ZNF462: variants seen among roughly 807,000 people sequenced by gnomAD.
ZNF462 encodes zinc finger protein 462.
A neutral mutation model predicts 201.9 loss-of-function variants in ZNF462; 10 were observed. The ratio of observed to expected loss-of-function variants is 0.05; its 90% CI spans 0.03 to 0.08. The LOEUF is 0.08. Ranked by LOEUF, ZNF462 falls within the 10% of genes least tolerant of loss-of-function variation. ZNF462 has a pLI of 1.00. For missense variants in ZNF462, 2,523 were observed against 3,168.3 expected, an observed-to-expected ratio of 0.80 and a Z score of 4.89; for synonymous variants, 1,227 against 1,193.3, an observed-to-expected ratio of 1.03 and a Z score of -0.58.
At chr9:106,960,057 T>C (rs1332921949) in intron 7 of ZNF462, among the ~76,000 whole-genome samples, 1 of 152,110 alleles carries the variant, frequency 6.6e-6, no homozygotes, top group African/African-American at 2.4e-5. Context: ...GTTTGTTGGC[T>C]CAGAGACTCC....
rs41277821 is a variant in ZNF462, at chr9:106,927,691, C to T, written c.3779C>T (p.Thr1260Met). 0.014 allele frequency: 21,969 copies of T among 1,614,062 alleles called. 188 individuals are homozygous for T. Among genetic ancestry groups the T allele is most frequent in the Non-Finnish European group, 0.017 (19,830 of 1,180,008 alleles). Reference sequence around the variant, plus strand: ...CCCTCTAATCTGGAGCGGGACAAAACGAAACTCCGAGCACTCAAATGTAGG... The same window carrying T: ...CCCTCTAATCTGGAGCGGGACAAAATGAAACTCCGAGCACTCAAATGTAGG... ...VSPSNLERDKTKLRALKCRQC... is the reference protein window; with the variant it reads ...VSPSNLERDKMKLRALKCRQC... The change falls in exon 3 of 13, where the codon ACG becomes ATG. Residue 1260 changes from threonine to methionine, a missense_variant. Coordinates refer to ENST00000277225, the MANE Select transcript of ZNF462 (RefSeq NM_021224.6).
In ZNF462 at chr9:106,926,989, C is replaced by T. The variant is rs1830220866; in HGVS notation, c.3077C>T (p.Thr1026Ile). Residue 1026 changes from threonine (T) to isoleucine (I), a missense_variant, in exon 3 of 13, where the codon ACT (threonine) becomes ATT (isoleucine). Physicochemically the swap from Thr to Ile is moderately conservative, Grantham distance 89. Transcript: ENST00000277225. This position sits in a 1 kb window ranked among gnomAD's most constrained non-coding sequence, Gnocchi z 7.9. ...AATCAGAAGGACCCTTTGGTCAACA[C>T]TGTTGTTGTTTATGATTGTGATGTT... ...CENQKDPLVN[T>I]VVVYDCDVCS... The T allele has an allele frequency of 6.2e-7, 1 of 1,614,166 alleles. No individual in the cohort carries two copies.
rs1305426297 is a variant in ZNF462, at chr9:106,981,806, T to A, written c.6833-2380T>A. Among the ~76,000 whole-genome samples, 1 of 151,848 alleles carries A rather than the reference T, an allele frequency of 6.6e-6. No homozygotes were observed. Among genetic ancestry groups the A allele is most frequent in the East Asian group, 1.9e-4 (1 of 5,166 alleles). On this transcript the variant is annotated intron_variant, in intron 9 of 12. Transcript: ENST00000277225. This position sits in a 1 kb window ranked among gnomAD's most constrained non-coding sequence, Gnocchi z 4.0. The stretch of plus-strand genomic sequence containing the variant: ...TTGTGGAGAAGTGAAGACTGGAGAG[T>A]CACTGAATGACTATCTTTGAGGCGT...
At chr9:106,922,271 A>G (rs1257976690) in intron 1 of ZNF462, among the ~76,000 whole-genome samples, 1 of 152,208 alleles carries the variant, frequency 6.6e-6, no homozygotes, top group Non-Finnish European at 1.5e-5. Flanking sequence ...ATAACAGGGT[A>G]TCTCAACTTA....
In ZNF462 at chr9:106,923,289, C is replaced by A; in HGVS notation, c.-30-65C>A. On this transcript the variant is annotated intron_variant, in intron 1 of 12. Coordinates refer to ENST00000277225, the MANE Select transcript of ZNF462 (RefSeq NM_021224.6). The surrounding 1 kb of genome is among the most constrained non-coding windows in gnomAD (Gnocchi z 5.6). ...TTTTTCCCATTAATGGATATATAGC[C>A]CCATCAGCTCGAGGTATGTGATTAG... The A allele has an allele frequency of 1.6e-6, 2 of 1,212,556 alleles. No homozygotes were observed. Among genetic ancestry groups the A allele is most frequent in the South Asian group, 1.3e-5 (1 of 78,592 alleles). 75.1% of individuals were successfully genotyped at this position (1,212,556 alleles called of 1,614,324 possible).
rs748274614 is a variant in ZNF462 at position 106,935,550 on chromosome 9, G to A, written c.6164G>A (p.Arg2055Gln). Residue 2055 changes from arginine to glutamine, a missense_variant, in exon 6 of 13, where the codon CGA becomes CAA. By Grantham distance (43) the Arg-to-Gln change is conservative. Coordinates refer to ENST00000277225, the MANE Select transcript of ZNF462 (RefSeq NM_021224.6). This position sits in a 1 kb window ranked among gnomAD's most constrained non-coding sequence, Gnocchi z 4.1. ...CACCACGGACACCATAAACCATTCC[G>A]ATGCAAACTCTGCTCCTTCAAGTCC... The part of the protein sequence containing the change: ...QTHHGHHKPF[R>Q]CKLCSFKSSY... 1.6e-5 allele frequency: 26 copies of A among 1,613,842 alleles called. No individual in the cohort carries two copies. Among genetic ancestry groups the A allele is most frequent in the East Asian group, 2.2e-5 (1 of 44,876 alleles).
Position 106,927,226 on chromosome 9 carries a change from C to A in ZNF462, c.3314C>A (p.Pro1105Gln). 3 of 1,611,516 alleles carry A rather than the reference C, an allele frequency of 1.9e-6. No homozygotes were observed. Among genetic ancestry groups the A allele is most frequent in the Non-Finnish European group, 2.5e-6 (3 of 1,179,180 alleles). Residue 1105 changes from proline to glutamine, a missense_variant, in exon 3 of 13, where the codon CCG becomes CAG. Pro to Gln is a moderately conservative substitution (Grantham distance 76). Transcript: ENST00000277225. ...NMGSPPPPQP[P>Q]PPDLSTELYY... is the part of the protein sequence containing the mutation. ...GGTTCCCCACCCCCCCCACAACCCC[C>A]GCCACCAGACCTCAGTACTGAGCTT...
In ZNF462 at chr9:106,926,610, G is replaced by T; in HGVS notation, c.2698G>T (p.Asp900Tyr). ...CTACATCGATTACACCAACTTCGAA[G>T]ATCTCCAGCAGCATTATGGCGAGCA... is the stretch of plus-strand genomic sequence containing the variant. ...ECYIDYTNFE[D>Y]LQQHYGEHHP... Residue 900 changes from aspartate to tyrosine, a missense_variant, in exon 3 of 13, where the codon GAT (aspartate) becomes TAT (tyrosine). Physicochemically the swap from Asp to Tyr is radical, Grantham distance 160. This residue lies in a region of ZNF462 where 280 missense variants were observed against 321.3 expected (regional missense o/e 0.87). Coordinates refer to ENST00000277225, the MANE Select transcript of ZNF462 (RefSeq NM_021224.6). This position sits in a 1 kb window ranked among gnomAD's most constrained non-coding sequence, Gnocchi z 7.9. The T allele has an allele frequency of 6.2e-7, 1 of 1,614,102 alleles. No homozygotes were observed. Among genetic ancestry groups the T allele is most frequent in the Non-Finnish European group, 8.5e-7 (1 of 1,180,036 alleles).
chr9:106,873,732 T>C (rs1331302546), intron 1 of ZNF462, among the ~76,000 whole-genome samples: 3 of 152,150 alleles, frequency 2.0e-5, no homozygotes, highest in African/African-American at 7.2e-5. Context: ...GTAAGGAAGT[T>C]CATGGATGAG....
chr9:106,868,083 A>AT, intron 1 of ZNF462, among the ~76,000 whole-genome samples: 1 of 151,812 alleles, frequency 6.6e-6, no homozygotes. Context: ...TGAAAAAAAA[A>AT]AAAAATCAGT....
rs1463869266 is a variant in ZNF462, at chr9:106,930,176, AT to A, written c.5848-345del. On this transcript the variant is annotated intron_variant, in intron 3 of 12. Transcript: ENST00000277225. The surrounding 1 kb of genome is among the most constrained non-coding windows in gnomAD (Gnocchi z 5.8). Reference sequence around the variant, plus strand: ...ATGAACCTAACGTCTCCAGGAGTAGATTTTATTTTATCAAGAAGTTCATTAA... The same window carrying A: ...ATGAACCTAACGTCTCCAGGAGTAGATTTATTTTATCAAGAAGTTCATTAA... 1.3e-5 allele frequency among the ~76,000 whole-genome samples: 2 copies of A among 152,116 alleles called. No homozygotes were observed. Among genetic ancestry groups the A allele is most frequent in the Non-Finnish European group, 2.9e-5 (2 of 68,026 alleles).
In ZNF462 at chr9:106,935,244, C is replaced by T. The variant is rs567550978; in HGVS notation, c.6117-259C>T. Among the ~76,000 whole-genome samples the T allele has an allele frequency of 7.1e-4, 108 of 152,210 alleles. 2 individuals are homozygous for T. The highest frequency in any genetic ancestry group is 2.4e-3 in the African/African-American group (100 of 41,518). On this transcript the variant is annotated intron_variant, in intron 5 of 12. Transcript: ENST00000277225. This position sits in a 1 kb window ranked among gnomAD's most constrained non-coding sequence, Gnocchi z 4.1. The stretch of plus-strand genomic sequence containing the variant: ...GCTCTAAGAAGGGACAATAAAGATT[C>T]TTACCATGACCTGTTACCACTGCCA...
upstream of ZNF462, among the ~76,000 whole-genome samples, chr9:106,861,569 G>A (rs1827067681): frequency 6.6e-6 from 1 of 152,206 alleles, no homozygotes; most frequent in Non-Finnish European, 1.5e-5. Context: ...CTCTCCTGAG[G>A]CTGTTGATGT....
chr9:106,944,563 T>C (rs1831021545), intron 7 of ZNF462, among the ~76,000 whole-genome samples: 1 of 152,202 alleles, frequency 6.6e-6, no homozygotes, highest in Admixed American at 6.5e-5. Context: ...TTATCATTTC[T>C]TTGTGTTGGA....
chr9:106,928,997 C>G lies in ZNF462; in HGVS notation c.5085C>G (p.Asn1695Lys), dbSNP rs749160513. 2 of 1,614,162 alleles carry G rather than the reference C, an allele frequency of 1.2e-6. No homozygotes were observed. The highest frequency in any genetic ancestry group is 1.7e-6 in the Non-Finnish European group (2 of 1,180,034). ...GAGCCCAGCCAGAAGGCAAGAACAA[C>G]CTCTTCAAGTGTGCCCTGTGTGCCT... ...NVRAQPEGKN[N>K]LFKCALCAYT... The change falls in exon 3 of 13, where the codon AAC becomes AAG. Residue 1695 changes from asparagine (N) to lysine (K), a missense_variant. Coordinates refer to ENST00000277225, the MANE Select transcript of ZNF462 (RefSeq NM_021224.6). The surrounding 1 kb of genome is among the most constrained non-coding windows in gnomAD (Gnocchi z 9.3).
intron 9 of ZNF462, among the ~76,000 whole-genome samples, chr9:106,980,796 G>A (rs1827367474): frequency 6.6e-6 from 1 of 152,152 alleles, no homozygotes; most frequent in Non-Finnish European, 1.5e-5. Flanking sequence ...GTCACAATGA[G>A]TGTGATTCAG....
Position 106,928,573 on chromosome 9 carries a change from A to T in ZNF462, c.4661A>T (p.Gln1554Leu), listed in dbSNP as rs781612429. The change falls in exon 3 of 13, where the codon CAG (glutamine) becomes CTG (leucine). Residue 1554 changes from glutamine to leucine, a missense_variant. Gln to Leu is a moderately radical substitution (Grantham distance 113). Transcript: ENST00000277225. This position sits in a 1 kb window ranked among gnomAD's most constrained non-coding sequence, Gnocchi z 9.3. Reference sequence around the variant, plus strand: ...GAGGACTTTGTGCACGACGTAGAGCAGTCTGCTGACATATCCCAGAATGAC... The same window carrying T: ...GAGGACTTTGTGCACGACGTAGAGCTGTCTGCTGACATATCCCAGAATGAC... ...TAEDFVHDVEQSADISQNDVE... is the reference protein window; with the variant it reads ...TAEDFVHDVELSADISQNDVE... 8.1e-6 allele frequency: 13 copies of T among 1,614,142 alleles called. No homozygotes were observed. The South Asian group carries it at 1.3e-4, about 16-fold the overall frequency.
chr9:106,965,813 A>T (rs770374344), intron 7 of ZNF462, among the ~76,000 whole-genome samples: 5 of 152,190 alleles, frequency 3.3e-5, no homozygotes, highest in Middle Eastern at 6.8e-3. Flanking sequence ...GTCACTACAG[A>T]TTCCTGGATC....
At position 106,876,729 on chromosome 9, in the gene ZNF462, A is replaced by C. The variant is rs1362235416; in HGVS notation, c.-31+13374A>C. ...GGGGAACAATTTTTAATAAACATGA[A>C]GTTTTCTGAGCTTTTCAGAAGAAAG... is the stretch of plus-strand genomic sequence containing the variant. On this transcript the variant is annotated intron_variant, in intron 1 of 12. Transcript: ENST00000277225. This position sits in a 1 kb window ranked among gnomAD's most constrained non-coding sequence, Gnocchi z 4.9. Among the ~76,000 whole-genome samples the C allele has an allele frequency of 6.6e-6, 1 of 152,160 alleles. No homozygotes were observed. Among genetic ancestry groups the C allele is most frequent in the Non-Finnish European group, 1.5e-5 (1 of 68,026 alleles).
Sources: allele counts gnomAD v4.1 joint callset (sites outside exome capture counted in the v4.1 genomes callset), GRCh38; gene constraint gnomAD v4.1.1; regional missense constraint gnomAD v4.1.1; non-coding constraint Gnocchi (gnomAD v3.1); transcripts MANE v1.5; gene names NCBI Gene and HGNC (gene_info 2026-07-23, HGNC 2026-07-21).